Variants in TNFRSF19 observed in about 807,000 individuals in gnomAD.
TNFRSF19 encodes the protein TNF receptor superfamily member 19, also known as tumor necrosis factor receptor superfamily member 19.
TNFRSF19 carries 27 observed loss-of-function variants against 46.4 expected under a neutral mutation model. The ratio of observed to expected loss-of-function variants is 0.58; its 90% confidence interval spans 0.43 to 0.80. TNFRSF19 has a LOEUF of 0.80. TNFRSF19 is among the 30% of genes least tolerant of loss of function. TNFRSF19 has a pLI of 0.00. For synonymous variants in TNFRSF19, 204 were observed against 205.0 expected, an observed-to-expected ratio of 1.00 and a Z score of 0.04; for missense variants, 511 against 530.8, an observed-to-expected ratio of 0.96 and a Z score of 0.37.
intron 9 of TNFRSF19, among the ~76,000 whole-genome samples, chr13:23,671,529 C>G (rs1356674689): frequency 6.6e-6 from 1 of 151,456 alleles, no homozygotes; most frequent in Non-Finnish European, 1.5e-5. Context: ...ACTTTAGTTG[C>G]ACTTACTAAT....
chr13:23,672,292 T>C (rs1443673370), intron 9 of TNFRSF19, among the ~76,000 whole-genome samples: 1 of 152,212 alleles, frequency 6.6e-6, no homozygotes, highest in Non-Finnish European at 1.5e-5. Context: ...AACTGAGATA[T>C]TTGGAACATT....
intron 1 of TNFRSF19, among the ~76,000 whole-genome samples, chr13:23,578,077 C>G (rs1454950643): frequency 2.0e-5 from 3 of 152,020 alleles, no homozygotes; most frequent in Non-Finnish European, 2.9e-5. Flanking sequence ...GTGTGCTAGG[C>G]CCCGGGATAT....
chr13:23,662,887 G>C (rs1884458082), intron 7 of TNFRSF19, among the ~76,000 whole-genome samples: 1 of 152,134 alleles, frequency 6.6e-6, no homozygotes, highest in Non-Finnish European at 1.5e-5. Flanking sequence ...ACTTTGCTGA[G>C]GTTGTTTATC....
chr13:23,643,965 T>G lies in TNFRSF19; in HGVS notation c.446-15085T>G, dbSNP rs572543356. On this transcript the variant is annotated intron_variant, in intron 5 of 9. Coordinates refer to ENST00000248484, the MANE Select transcript of TNFRSF19 (RefSeq NM_148957.4). ...AAAAAAAGATATAAAAGTGTACCTC[T>G]TAGGAGTGAGTTCTGCTCACAATGA... Among the ~76,000 whole-genome samples, 66 of 152,350 alleles carry G rather than the reference T, an allele frequency of 4.3e-4. No homozygotes were observed. In the South Asian group the frequency reaches 6.6e-3, roughly 15 times the overall value.
intron 7 of TNFRSF19, among the ~76,000 whole-genome samples, chr13:23,663,022 T>C (rs917218203): frequency 2.0e-5 from 3 of 152,188 alleles, no homozygotes. Context: ...TTCTTTTGCC[T>C]GATTGCCCTG....
intron 1 of TNFRSF19, among the ~76,000 whole-genome samples, chr13:23,589,859 G>A (rs989821538): frequency 7.5e-6 from 1 of 132,662 alleles, no homozygotes; most frequent in African/African-American, 2.9e-5. Context: ...ATTGGCTGCT[G>A]TAGAGAACAT....
At chr13:23,587,986 T>C (rs1566165980) in intron 1 of TNFRSF19, among the ~76,000 whole-genome samples, 1 of 152,210 alleles carries the variant, frequency 6.6e-6, no homozygotes, top group Non-Finnish European at 1.5e-5. Flanking sequence ...CGGATTACAG[T>C]CTTCAAGGAC....
chr13:23,598,565 G>A (rs539765073), intron 3 of TNFRSF19, among the ~76,000 whole-genome samples: 13 of 152,230 alleles, frequency 8.5e-5, no homozygotes, highest in African/African-American at 2.9e-4. Context: ...ACATTCCTTT[G>A]ACAGTATGTG....
Position 23,600,783 on chromosome 13 carries a change from A to G in TNFRSF19, c.180+7328A>G, listed in dbSNP as rs1449840196. 2.0e-5 allele frequency among the ~76,000 whole-genome samples: 3 copies of G among 152,182 alleles called. No individual in the cohort carries two copies. The East Asian group carries it at 5.8e-4, about 29-fold the overall frequency. ...TTACAGTACAGAGGCACAGGCCTGC[A>G]CAGGACTATGGAAAGCTGCCCTTTC... On this transcript the variant is annotated intron_variant, in intron 3 of 9. Coordinates refer to ENST00000248484, the MANE Select transcript of TNFRSF19 (RefSeq NM_148957.4).
chr13:23,576,321 C>T (rs574909716), intron 1 of TNFRSF19, among the ~76,000 whole-genome samples: 4 of 152,084 alleles, frequency 2.6e-5, no homozygotes, highest in East Asian at 1.9e-4. Context: ...TTTACAGAGA[C>T]GAGGTTTCGC....
At chr13:23,640,981 TTAA>T (rs1210849958) in intron 5 of TNFRSF19, among the ~76,000 whole-genome samples, 1 of 152,232 alleles carries the variant, frequency 6.6e-6, no homozygotes, top group Non-Finnish European at 1.5e-5. Context: ...TGCTACATGG[TTAA>T]TAAGTCCAAA....
intron 1 of TNFRSF19, among the ~76,000 whole-genome samples, chr13:23,573,230 A>C (rs1877740208): frequency 2.0e-5 from 3 of 152,194 alleles, no homozygotes; most frequent in Non-Finnish European, 4.4e-5. Flanking sequence ...TCAAAGAACA[A>C]TATTAGTTTG....
chr13:23,659,125 T>C lies in TNFRSF19; in HGVS notation c.521T>C (p.Ile174Thr), dbSNP rs772823173. 34 of 1,613,984 alleles carry C rather than the reference T, an allele frequency of 2.1e-5. No homozygotes were observed. Among genetic ancestry groups the C allele is most frequent in the Non-Finnish European group, 2.9e-5 (34 of 1,180,052 alleles). The change falls in exon 6 of 10, where the codon ATC becomes ACC. Residue 174 changes from isoleucine to threonine, a missense_variant. Physicochemically the swap from Ile to Thr is moderately conservative, Grantham distance 89. Transcript: ENST00000248484. This position sits in a 1 kb window ranked among gnomAD's most constrained non-coding sequence, Gnocchi z 4.9. Reference protein sequence around the residue: ...SPRDTALAAVICSALATVLLA... With the variant: ...SPRDTALAAVTCSALATVLLA... ...CGGGACACGGCGCTGGCTGCCGTTA[T>C]CTGCAGCGCTCTGGCCACCGTCCTG...
intron 1 of TNFRSF19, among the ~76,000 whole-genome samples, chr13:23,582,028 G>C (rs1878473248): frequency 6.6e-6 from 1 of 152,122 alleles, no homozygotes; most frequent in Non-Finnish European, 1.5e-5. Flanking sequence ...TGTGATAAGA[G>C]AGCCAGGGAA....
chr13:23,592,210 A>G (rs1879358978), intron 2 of TNFRSF19, among the ~76,000 whole-genome samples: 1 of 152,146 alleles, frequency 6.6e-6, no homozygotes, highest in Non-Finnish European at 1.5e-5. Context: ...CTGTGTGGTA[A>G]GCATTAGACA....
At chr13:23,646,173 G>A (rs572743207) in intron 5 of TNFRSF19, among the ~76,000 whole-genome samples, 68 of 152,156 alleles carry the variant, frequency 4.5e-4, no homozygotes, top group Middle Eastern at 3.4e-3. Context: ...TTCCCTCCCC[G>A]GTCAGCGGGC....
In TNFRSF19 at chr13:23,607,660, T is replaced by A. The variant is rs547511419; in HGVS notation, c.181-8207T>A. Among the ~76,000 whole-genome samples, 14 of 150,536 alleles carry A rather than the reference T, an allele frequency of 9.3e-5. 1 individual carries two copies. The South Asian group carries it at 3.0e-3, about 32-fold the overall frequency. On this transcript the variant is annotated intron_variant, in intron 3 of 9. Coordinates refer to ENST00000248484, the MANE Select transcript of TNFRSF19 (RefSeq NM_148957.4). ...ATTTTTTTATATTGTGGGTAAAAAGTACATTTTTTAGTAGGCCATTAGCAT... is the reference window on the plus strand; with the variant it reads ...ATTTTTTTATATTGTGGGTAAAAAGAACATTTTTTAGTAGGCCATTAGCAT...
At position 23,660,448 on chromosome 13, in the gene TNFRSF19, A is replaced by G. The variant is rs766392190; in HGVS notation, c.694A>G (p.Arg232Gly). Residue 232 changes from arginine (R) to glycine (G), a missense_variant, in exon 7 of 10, where the codon AGA becomes GGA. This residue lies in a region of TNFRSF19 where 376 missense variants were observed against 372.7 expected (regional missense o/e 1.01). Coordinates refer to ENST00000248484, the MANE Select transcript of TNFRSF19 (RefSeq NM_148957.4). ...DRPQLHEYAH[R>G]ACCQCRRDSV... ...ACCTCAGCTCCACGAATATGCCCAC[A>G]GAGCCTGCTGCCAGTGCCGCCGTGA... The G allele has an allele frequency of 1.2e-6, 2 of 1,613,772 alleles. No individual in the cohort carries two copies. The highest frequency in any genetic ancestry group is 4.5e-5 in the East Asian group (2 of 44,876).
chr13:23,607,446 TAGAC>T (rs1880589859), intron 3 of TNFRSF19, among the ~76,000 whole-genome samples: 1 of 152,020 alleles, frequency 6.6e-6, no homozygotes, highest in African/African-American at 2.4e-5. Flanking sequence ...GATAAATAGA[TAGAC>T]AGTTTGGAGG....
Sources: allele counts gnomAD v4.1 joint callset (sites outside exome capture counted in the v4.1 genomes callset), GRCh38; gene constraint gnomAD v4.1.1; regional missense constraint gnomAD v4.1.1; non-coding constraint Gnocchi (gnomAD v3.1); transcripts MANE v1.5; gene names NCBI Gene and HGNC (gene_info 2026-07-23, HGNC 2026-07-21).